TXNRD1: variants seen among roughly 807,000 people sequenced by gnomAD.
TXNRD1 encodes the protein thioredoxin reductase 1, cytoplasmic.
In TXNRD1, 57 loss-of-function variants were observed where a neutral mutation model predicts 80.3. The observed-to-expected ratio is 0.71, with a 90% confidence interval of 0.57 to 0.89. TXNRD1 has a LOEUF of 0.89. Among genes scored for constraint, TXNRD1 ranks in the 40% least tolerant of loss-of-function variants. The pLI, the probability that TXNRD1 is intolerant of heterozygous loss-of-function variation, is 0.00. For missense variants in TXNRD1, 730 were observed against 803.0 expected (o/e 0.91, Z 1.10); for synonymous variants, 291 against 285.2 (o/e 1.02, Z -0.20).
intron 1 of TXNRD1, among the ~76,000 whole-genome samples, chr12:104,244,427 A>T (rs2032936083): frequency 6.6e-6 from 1 of 152,226 alleles, no homozygotes; most frequent in Non-Finnish European, 1.5e-5. Flanking sequence ...AACAAATGCA[A>T]TAGGCTGGTA....
intron 4 of TXNRD1, among the ~76,000 whole-genome samples, chr12:104,296,396 A>G (rs71468209): frequency 5.3e-5 from 8 of 152,198 alleles, no homozygotes; most frequent in Non-Finnish European, 8.8e-5. Flanking sequence ...ATACATTTTA[A>G]TATCTTCCAT....
At chr12:104,313,714 G>T (rs547808896) in intron 6 of TXNRD1, among the ~76,000 whole-genome samples, 2 of 152,196 alleles carry the variant, frequency 1.3e-5, no homozygotes, top group South Asian at 2.1e-4. Flanking sequence ...GAGTCTTGAT[G>T]AATTATATGT....
At chr12:104,216,139 G>T (rs930865128) in intron 1 of TXNRD1, among the ~76,000 whole-genome samples, 2 of 152,238 alleles carry the variant, frequency 1.3e-5, no homozygotes, top group African/African-American at 4.8e-5. Flanking sequence ...GTGGAAGGAG[G>T]AGCGGGCCCG....
chr12:104,252,178 G>A (rs969919043), intron 2 of TXNRD1, among the ~76,000 whole-genome samples: 2 of 152,040 alleles, frequency 1.3e-5, no homozygotes, highest in African/African-American at 4.8e-5. Context: ...GAGCTTTTGG[G>A]AAGTATGAGA....
Position 104,325,322 on chromosome 12 carries a change from T to C in TXNRD1, c.1216-15T>C. The C allele has an allele frequency of 6.3e-7, 1 of 1,597,484 alleles. No individual in the cohort carries two copies. Among genetic ancestry groups the C allele is most frequent in the South Asian group, 1.1e-5 (1 of 89,676 alleles). ...AATGTCTTTATTTCACAGTAAAACTTTATCACTCTTACAGGTTGAACAAAT... is the reference window on the plus strand; with the variant it reads ...AATGTCTTTATTTCACAGTAAAACTCTATCACTCTTACAGGTTGAACAAAT... On this transcript the variant is annotated splice_polypyrimidine_tract_variant and intron_variant, in intron 10 of 16. Transcript: ENST00000525566.
chr12:104,239,617 G>A (rs1238376164), intron 1 of TXNRD1, among the ~76,000 whole-genome samples: 1 of 152,010 alleles, frequency 6.6e-6, no homozygotes, highest in Non-Finnish European at 1.5e-5. Context: ...AAGTAACTGG[G>A]ATTACAGGTA....
At chr12:104,228,556 AG>A (rs1034389383) in intron 1 of TXNRD1, among the ~76,000 whole-genome samples, 3 of 152,186 alleles carry the variant, frequency 2.0e-5, no homozygotes, top group Admixed American at 1.3e-4. Context: ...GCTTGAACCC[AG>A]GAGGCAGAGA....
intron 2 of TXNRD1, among the ~76,000 whole-genome samples, chr12:104,253,724 C>T (rs956379943): frequency 6.6e-5 from 10 of 151,990 alleles, no homozygotes; most frequent in South Asian, 2.1e-4. Flanking sequence ...GACAGAGTCT[C>T]GCTCTGTTGC....
At position 104,258,397 on chromosome 12, in the gene TXNRD1, C is replaced by T. The variant is rs191262012; in HGVS notation, c.304+318C>T. On this transcript the variant is annotated intron_variant, in intron 3 of 16. Coordinates refer to ENST00000525566, the MANE Select transcript of TXNRD1 (RefSeq NM_001093771.3). ...TAACTTTACTTTTGCAAATTTGTCT[C>T]CTTTCTGATAAGTAATACAAATAGT... The T allele has an allele frequency of 2.3e-5, 5 of 217,736 alleles. No individual in the cohort carries two copies. In the South Asian group the frequency reaches 6.2e-4, roughly 27 times the overall value. The allele number at this position is 217,736 out of a possible 1,614,324, so 13.5% of individuals were successfully genotyped here. A position where few individuals can be genotyped will look rare whatever the true frequency, so the allele number is the denominator to read the frequency against.
intron 1 of TXNRD1, among the ~76,000 whole-genome samples, chr12:104,231,573 C>T (rs1039386562): frequency 1.3e-4 from 20 of 152,140 alleles, no homozygotes; most frequent in African/African-American, 3.6e-4. Flanking sequence ...TCCATTTTTC[C>T]GTCAGCCTGT....
At chr12:104,237,840 G>A (rs577712770) in intron 1 of TXNRD1, among the ~76,000 whole-genome samples, 3 of 151,992 alleles carry the variant, frequency 2.0e-5, no homozygotes, top group South Asian at 2.1e-4. Flanking sequence ...TGGTAAAACC[G>A]TCTCTACTAA....
intron 3 of TXNRD1, 116 bp downstream of exon 3, chr12:104,258,195 T>C: frequency 1.3e-6 from 1 of 741,470 alleles, no homozygotes; most frequent in Non-Finnish European, 2.2e-6. Flanking sequence ...GAGCACTTGC[T>C]AGCTGATTCT....
chr12:104,333,923 T>A (rs977062089), intron 14 of TXNRD1, among the ~76,000 whole-genome samples: 2 of 152,254 alleles, frequency 1.3e-5, no homozygotes, highest in African/African-American at 4.8e-5. Flanking sequence ...GGTGTGTGTG[T>A]GTTTTCAATG....
intron 1 of TXNRD1, among the ~76,000 whole-genome samples, chr12:104,249,217 C>G (rs1294023025): frequency 6.6e-6 from 1 of 152,198 alleles, no homozygotes; most frequent in East Asian, 1.9e-4. Context: ...TACCTTCTTG[C>G]TGTGTCCTCA....
intron 4 of TXNRD1, among the ~76,000 whole-genome samples, chr12:104,296,558 A>G (rs1197089692): frequency 6.6e-6 from 1 of 152,182 alleles, no homozygotes; most frequent in Non-Finnish European, 1.5e-5. Flanking sequence ...ACAGGCATGT[A>G]CCACCACACC....
intron 4 of TXNRD1, among the ~76,000 whole-genome samples, chr12:104,297,556 G>A (rs1246860577): frequency 6.6e-6 from 1 of 151,892 alleles, no homozygotes; most frequent in Non-Finnish European, 1.5e-5. Context: ...GTAGAGACAA[G>A]ATTTCTCTAT....
chr12:104,327,894 C>T (rs2035820424), intron 13 of TXNRD1, among the ~76,000 whole-genome samples: 1 of 151,864 alleles, frequency 6.6e-6, no homozygotes, highest in Non-Finnish European at 1.5e-5. Context: ...GGCACAGTGG[C>T]TCATGCCTGT....
Position 104,215,882 on chromosome 12 carries a change from G to C in TXNRD1, c.80G>C (p.Arg27Pro). The change falls in exon 1 of 17, where the codon CGC becomes CCC. Residue 27 changes from arginine (R) to proline (P), a missense_variant. Transcript: ENST00000525566. ...LQTKGKNGDG[R>P]RRSAKDHHPG... ...ACGAAAGGCAAGAACGGCGATGGCCGCCGTAGGTCAGGTACGACCGAGGGC... is the reference window on the plus strand; with the variant it reads ...ACGAAAGGCAAGAACGGCGATGGCCCCCGTAGGTCAGGTACGACCGAGGGC... The C allele has an allele frequency of 6.4e-7, 1 of 1,555,962 alleles. No homozygotes were observed. The highest frequency in any genetic ancestry group is 1.2e-5 in the South Asian group (1 of 84,278).
rs556027603 is a variant in TXNRD1, at chr12:104,223,151, T to C, written c.91+7258T>C. 5.3e-5 allele frequency among the ~76,000 whole-genome samples: 8 copies of C among 152,352 alleles called. No individual in the cohort carries two copies. The South Asian group carries it at 1.7e-3, about 32-fold the overall frequency. ...TTGAGATTATTGCTCACTTATATAGTGGCATTTTAAGCTGCTTAATCCCCT... is the reference window on the plus strand; with the variant it reads ...TTGAGATTATTGCTCACTTATATAGCGGCATTTTAAGCTGCTTAATCCCCT... On this transcript the variant is annotated intron_variant, in intron 1 of 16. Transcript: ENST00000525566.
Sources: allele counts gnomAD v4.1 joint callset (sites outside exome capture counted in the v4.1 genomes callset), GRCh38; gene constraint gnomAD v4.1.1; transcripts MANE v1.5; gene names NCBI Gene and HGNC (gene_info 2026-07-23, HGNC 2026-07-21).